The following SCN10A variants were observed in gnomAD, a reference collection of about 807,000 sequenced individuals.
SCN10A encodes sodium channel protein type 10 subunit alpha.
In SCN10A, 162 loss-of-function variants were observed where a neutral mutation model predicts 170.7. The observed-to-expected ratio is 0.95, with a 90% confidence interval of 0.84 to 1.08. The LOEUF (loss-of-function observed/expected upper bound fraction) is 1.08. Ranked by LOEUF, SCN10A falls within the 50% of genes least tolerant of loss-of-function variation. The pLI, the probability that SCN10A is intolerant of heterozygous loss-of-function variation, is 0.00. For missense variants in SCN10A, 2,527 were observed against 2,436.9 expected (o/e 1.04, Z -0.78); for synonymous variants, 985 against 904.6 (o/e 1.09, Z -1.59).
intron 20 of SCN10A, 29 bp from the exon 21 acceptor site, chr3:38,718,855 A>G (rs1205771562): frequency 1.2e-6 from 2 of 1,609,210 alleles, no homozygotes; most frequent in South Asian, 1.1e-5. Flanking sequence ...GCAGAATGGC[A>G]GGCTGCCTGG....
intron 16 of SCN10A, 122 bp from the exon 17 acceptor site, chr3:38,727,174 G>T: frequency 1.2e-6 from 1 of 854,294 alleles, no homozygotes; most frequent in Non-Finnish European, 1.8e-6. Flanking sequence ...GCCCACCCGG[G>T]ATGCTGTCCC....
chr3:38,792,124 A>G lies in SCN10A; in HGVS notation c.315T>C (p.Ser105=), dbSNP rs2064290205. The G allele has an allele frequency of 6.8e-6, 11 of 1,613,932 alleles. No individual in the cohort carries two copies. Among genetic ancestry groups the G allele is most frequent in the Non-Finnish European group, 9.3e-6 (11 of 1,179,830 alleles). ...LNKGRTISRF[S]ATRALWLFSP... is the part of the protein sequence containing the mutation. Reference sequence around the variant, plus strand: ...TGAATAGCCACAGGGCCCGAGTGGCACTAAACCGGGAAATGGTCCTCCCTT... The same window carrying G: ...TGAATAGCCACAGGGCCCGAGTGGCGCTAAACCGGGAAATGGTCCTCCCTT... Residue 105 remains serine, a synonymous_variant, in exon 3 of 28, where the codon AGT becomes AGC. Coordinates refer to ENST00000449082, the MANE Select transcript of SCN10A (RefSeq NM_006514.4).
chr3:38,766,295 G>A (rs1245645723), intron 5 of SCN10A, among the ~76,000 whole-genome samples: 3 of 152,064 alleles, frequency 2.0e-5, no homozygotes, highest in Admixed American at 6.5e-5. Context: ...GTGAAAGTGG[G>A]CATCCTTGTC....
chr3:38,745,080 C>T (rs2063672665), intron 13 of SCN10A, among the ~76,000 whole-genome samples: 1 of 152,150 alleles, frequency 6.6e-6, no homozygotes, highest in Admixed American at 6.5e-5. Flanking sequence ...TGAATGAGGA[C>T]ACTTTAGATG....
At chr3:38,706,942 G>T (rs1480243595) in intron 26 of SCN10A, among the ~76,000 whole-genome samples, 1 of 152,118 alleles carries the variant, frequency 6.6e-6, no homozygotes, top group African/African-American at 2.4e-5. Context: ...AACCACACAA[G>T]TTTAATCCCT....
intron 1 of SCN10A, among the ~76,000 whole-genome samples, chr3:38,804,881 G>T (rs1445693559): frequency 6.6e-6 from 1 of 152,140 alleles, no homozygotes; most frequent in African/African-American, 2.4e-5. Context: ...AGCCAAAAAT[G>T]AAGGAGAAGA....
chr3:38,804,311 T>C (rs1314101607), intron 1 of SCN10A, among the ~76,000 whole-genome samples: 2 of 152,124 alleles, frequency 1.3e-5, no homozygotes, highest in African/African-American at 4.8e-5. Context: ...TAAAGAAGAC[T>C]CCCCGACCAT....
In SCN10A at chr3:38,701,985, T is replaced by C. The variant is rs1333051279; in HGVS notation, c.4511A>G (p.Lys1504Arg). The change falls in exon 27 of 28, where the codon AAG becomes AGG. Residue 1504 changes from lysine (K) to arginine (R), a missense_variant. Lys to Arg is a conservative substitution (Grantham distance 26). Coordinates refer to ENST00000449082, the MANE Select transcript of SCN10A (RefSeq NM_006514.4). ...GTTGATTTTGCCCAGAATTTTCGTC[T>C]TTTCTTCACTTTGGTCATCAGTCTC... ...MVETDDQSEEKTKILGKINQF... is the reference protein window; with the variant it reads ...MVETDDQSEERTKILGKINQF... 1 of 1,614,216 alleles carries C rather than the reference T, an allele frequency of 6.2e-7. No individual in the cohort carries two copies. The highest frequency in any genetic ancestry group is 1.7e-5 in the Admixed American group (1 of 60,028).
At position 38,697,981 on chromosome 3, in the gene SCN10A, T is replaced by C. The variant is rs1169488990; in HGVS notation, c.5239A>G (p.Thr1747Ala). The change falls in exon 28 of 28, where the codon ACC becomes GCC. Residue 1747 changes from threonine to alanine, a missense_variant. By Grantham distance (58) the Thr-to-Ala change is moderately conservative. Coordinates refer to ENST00000449082, the MANE Select transcript of SCN10A (RefSeq NM_006514.4). ...SEDDFDMFYE[T>A]WEKFDPEATQ... Reference sequence around the variant, plus strand: ...GCCTCTGGGTCAAACTTCTCCCAGGTCTCATAGAACATGTCAAAGTCGTCC... The same window carrying C: ...GCCTCTGGGTCAAACTTCTCCCAGGCCTCATAGAACATGTCAAAGTCGTCC... 14 of 1,614,024 alleles carry C rather than the reference T, an allele frequency of 8.7e-6. No individual in the cohort carries two copies. The Middle Eastern group carries it at 9.9e-4, about 114-fold the overall frequency.
chr3:38,782,545 A>G (rs898457389), intron 4 of SCN10A, among the ~76,000 whole-genome samples: 10 of 152,048 alleles, frequency 6.6e-5, no homozygotes, highest in Non-Finnish European at 2.9e-5. Context: ...GGTGGGGTAA[A>G]ACATATGCAT....
chr3:38,796,858 T>C (rs1445854338), intron 1 of SCN10A, among the ~76,000 whole-genome samples: 1 of 152,120 alleles, frequency 6.6e-6, no homozygotes, highest in Non-Finnish European at 1.5e-5. Context: ...TTCTACCAAA[T>C]TGTAAGCTCA....
intron 19 of SCN10A, among the ~76,000 whole-genome samples, chr3:38,723,175 G>A (rs928581264): frequency 3.9e-5 from 6 of 152,244 alleles, no homozygotes; most frequent in East Asian, 1.9e-4. Context: ...TAGAACTCAC[G>A]GAGGGGTTTT....
At chr3:38,704,576 T>C (rs1286017732) in intron 26 of SCN10A, among the ~76,000 whole-genome samples, 1 of 152,230 alleles carries the variant, frequency 6.6e-6, no homozygotes, top group African/African-American at 2.4e-5. Flanking sequence ...TGATATTCTC[T>C]AGAGCCTATT....
intron 1 of SCN10A, among the ~76,000 whole-genome samples, chr3:38,808,783 C>T (rs374508933): frequency 7.9e-5 from 12 of 152,110 alleles, no homozygotes; most frequent in African/African-American, 1.2e-4. Context: ...GCTGAAATAT[C>T]AAGGCAAGAA....
intron 1 of SCN10A, among the ~76,000 whole-genome samples, chr3:38,802,551 G>A (rs2064379161): frequency 6.6e-6 from 1 of 152,110 alleles, no homozygotes; most frequent in Admixed American, 6.6e-5. Flanking sequence ...ATTATTGAAA[G>A]GAGTCTCTAT....
intron 26 of SCN10A, 70 bp downstream of exon 26, chr3:38,707,209 C>T (rs2125986086): frequency 6.5e-7 from 1 of 1,532,148 alleles, no homozygotes; most frequent in Non-Finnish European, 8.9e-7. Flanking sequence ...AGGCCCCTGC[C>T]TGACACAGGC....
rs574508392 is a variant in SCN10A, at chr3:38,765,946, G to A, written c.600-2350C>T. 2.3e-4 allele frequency among the ~76,000 whole-genome samples: 35 copies of A among 150,926 alleles called. No individual in the cohort carries two copies. The South Asian group carries it at 7.2e-3, about 31-fold the overall frequency. On this transcript the variant is annotated intron_variant, in intron 5 of 27. Transcript: ENST00000449082. ...AGAAATCTTTCACCTTTTTGGTTAGGTATATTCCTAAGATTTTTTTGTTTT... is the reference window on the plus strand; with the variant it reads ...AGAAATCTTTCACCTTTTTGGTTAGATATATTCCTAAGATTTTTTTGTTTT...
chr3:38,734,174 A>C (rs1366188162), intron 15 of SCN10A, among the ~76,000 whole-genome samples: 2 of 151,902 alleles, frequency 1.3e-5, no homozygotes, highest in African/African-American at 2.4e-5. Context: ...GGTGTGTGCC[A>C]CCACACCCAG....
chr3:38,803,695 T>C (rs1457255441), intron 1 of SCN10A, among the ~76,000 whole-genome samples: 2 of 151,326 alleles, frequency 1.3e-5, no homozygotes, highest in Admixed American at 6.6e-5. Flanking sequence ...ATATACCTAA[T>C]GTAAATGACG....
Sources: gnomAD v4.1 joint callset for allele counts (sites outside exome capture counted in the v4.1 genomes callset) on GRCh38, gnomAD v4.1.1 for gene constraint, MANE v1.5 for transcripts, NCBI Gene and HGNC (gene_info 2026-07-23, HGNC 2026-07-21) for gene names.